The following ANKS1B variants were observed in gnomAD, a reference collection of about 807,000 sequenced individuals.
ANKS1B encodes ankyrin repeat and sterile alpha motif domain-containing protein 1B.
A neutral mutation model predicts 148.3 loss-of-function variants in ANKS1B; 36 were observed. That is an observed-to-expected ratio of 0.24 (90% CI 0.19 to 0.32). The LOEUF (loss-of-function observed/expected upper bound fraction) is 0.32, where lower values mean the gene tolerates loss of function less well. ANKS1B is among the 10% of genes least tolerant of loss of function. The pLI is 1.00. For synonymous variants in ANKS1B, 542 were observed against 560.8 expected (o/e 0.97, Z 0.47); for missense variants, 1,157 against 1,542.6 (o/e 0.75, Z 4.19).
At chr12:99,194,974 A>G (rs895451271) in intron 14 of ANKS1B, among the ~76,000 whole-genome samples, 2 of 152,166 alleles carry the variant, frequency 1.3e-5, no homozygotes, top group East Asian at 3.9e-4. Context: ...TTCAAAAATA[A>G]AAAGGTTTTT....
At chr12:98,909,388 A>G (rs943169258) in intron 17 of ANKS1B, among the ~76,000 whole-genome samples, 3 of 152,236 alleles carry the variant, frequency 2.0e-5, no homozygotes, top group African/African-American at 7.2e-5. Context: ...CTGATGAGGT[A>G]CATGAGGCTC....
intron 9 of ANKS1B, among the ~76,000 whole-genome samples, chr12:99,625,975 A>G (rs2098109065): frequency 6.6e-6 from 1 of 152,132 alleles, no homozygotes; most frequent in African/African-American, 2.4e-5. Context: ...CACATCAGGC[A>G]TCTTCTTAGA....
intron 17 of ANKS1B, among the ~76,000 whole-genome samples, chr12:98,873,543 C>T (rs753828532): frequency 6.6e-6 from 1 of 151,948 alleles, no homozygotes; most frequent in African/African-American, 2.4e-5. Context: ...AGAAAGTAAT[C>T]GAGGATAAGA....
chr12:99,628,593 A>C (rs781381571), intron 9 of ANKS1B, among the ~76,000 whole-genome samples: 3 of 152,200 alleles, frequency 2.0e-5, no homozygotes, highest in Non-Finnish European at 4.4e-5. Context: ...TTATTGCCTT[A>C]ATCTGTTTTG....
rs963697636 is a variant in ANKS1B at position 99,271,480 on chromosome 12, T to C, written c.1757-24616A>G. On this transcript the variant is annotated intron_variant, in intron 12 of 26. Coordinates refer to ENST00000683438, the MANE Select transcript of ANKS1B (RefSeq NM_001352186.2). ...AATATTCCTAAGATTAGGGATAATGTTTTCTTTACATTAGTATCCCTAGCT... is the reference window on the plus strand; with the variant it reads ...AATATTCCTAAGATTAGGGATAATGCTTTCTTTACATTAGTATCCCTAGCT... Among the ~76,000 whole-genome samples the C allele has an allele frequency of 1.2e-4, 19 of 152,016 alleles. No homozygotes were observed. In the East Asian group the frequency reaches 2.1e-3, roughly 17 times the overall value.
intron 17 of ANKS1B, among the ~76,000 whole-genome samples, chr12:98,974,842 TC>T (rs2153221540): frequency 6.6e-6 from 1 of 152,124 alleles, no homozygotes; most frequent in African/African-American, 2.4e-5. Flanking sequence ...CTTCCTTTCT[TC>T]CAGCTTTCCC....
chr12:99,119,257 T>C (rs2062131824), intron 15 of ANKS1B, among the ~76,000 whole-genome samples: 1 of 152,096 alleles, frequency 6.6e-6, no homozygotes, highest in Non-Finnish European at 1.5e-5. Flanking sequence ...TGGAGTGATG[T>C]GGGCACAAAT....
rs2153498236 is a variant in ANKS1B, at chr12:99,688,668, C to G, written c.1129-33458G>C. On this transcript the variant is annotated intron_variant, in intron 8 of 26. Transcript: ENST00000683438. ...CCTGGGCAACATAACAAGACTTGGT[C>G]TCTAGAAAAAAACATAGCCAAGTAT... 1.3e-5 allele frequency among the ~76,000 whole-genome samples: 2 copies of G among 151,972 alleles called. 1 individual carries two copies. The highest frequency in any genetic ancestry group is 1.3e-4 in the Admixed American group (2 of 15,268).
chr12:99,898,196 T>C (rs982407588), intron 1 of ANKS1B, among the ~76,000 whole-genome samples: 3 of 152,208 alleles, frequency 2.0e-5, no homozygotes, highest in African/African-American at 7.2e-5. Context: ...ATTTTTAAAA[T>C]CTAGAATTAA....
intron 11 of ANKS1B, among the ~76,000 whole-genome samples, chr12:99,404,866 C>T (rs1384267166): frequency 2.1e-5 from 3 of 145,540 alleles, no homozygotes; most frequent in Non-Finnish European, 4.6e-5. Context: ...ACTTAACTCT[C>T]AAAATTCAAG....
chr12:98,848,760 A>G (rs1216982130), intron 17 of ANKS1B, among the ~76,000 whole-genome samples: 3 of 2,322 alleles, frequency 1.3e-3, no homozygotes, highest in African/African-American at 4.5e-3. Flanking sequence ...TTTTTTTGAG[A>G]CGGAGTCTCG....
At position 98,944,070 on chromosome 12, in the gene ANKS1B, C is replaced by T. The variant is rs145285668; in HGVS notation, c.2778+109087G>A. Among the ~76,000 whole-genome samples the T allele has an allele frequency of 7.6e-3, 1,151 of 152,170 alleles. 14 individuals carry two copies. The highest frequency in any genetic ancestry group is 0.026 in the African/African-American group (1,097 of 41,518). ...ATTCCAGCACTCTGGGAGGCCGAGG[C>T]GGTTGGAACAACTGAGGTCAGGAAT... On this transcript the variant is annotated intron_variant, in intron 17 of 26. Coordinates refer to ENST00000683438, the MANE Select transcript of ANKS1B (RefSeq NM_001352186.2).
intron 14 of ANKS1B, among the ~76,000 whole-genome samples, chr12:99,205,030 A>T (rs939239747): frequency 1.3e-5 from 2 of 152,166 alleles, no homozygotes; most frequent in African/African-American, 4.8e-5. Context: ...ATAGGAGGCC[A>T]TTGGATACCA....
At chr12:99,466,277 A>G (rs895539968) in intron 10 of ANKS1B, among the ~76,000 whole-genome samples, 1 of 152,230 alleles carries the variant, frequency 6.6e-6, no homozygotes, top group Non-Finnish European at 1.5e-5. Flanking sequence ...TCTCTGGGAC[A>G]CATTCAAAGC....
chr12:99,419,952 G>A (rs1325084512), intron 11 of ANKS1B, among the ~76,000 whole-genome samples: 1 of 152,190 alleles, frequency 6.6e-6, no homozygotes, highest in East Asian at 1.9e-4. Context: ...TTTCAGGCAT[G>A]AGCCAGCACA....
chr12:99,753,033 T>C (rs1324914273), intron 8 of ANKS1B, among the ~76,000 whole-genome samples: 2 of 152,092 alleles, frequency 1.3e-5, no homozygotes, highest in Non-Finnish European at 2.9e-5. Flanking sequence ...CATGATTATA[T>C]AGTATAAAGA....
intron 20 of ANKS1B, among the ~76,000 whole-genome samples, chr12:98,804,469 T>C (rs1398529518): frequency 6.6e-6 from 1 of 152,126 alleles, no homozygotes; most frequent in African/African-American, 2.4e-5. Context: ...AGACTCAATT[T>C]GTAGATGTTA....
intron 11 of ANKS1B, among the ~76,000 whole-genome samples, chr12:99,436,786 G>C (rs1293082966): frequency 6.6e-6 from 1 of 152,092 alleles, no homozygotes; most frequent in Non-Finnish European, 1.5e-5. Context: ...TCTAAACATG[G>C]TCCATTATGA....
chr12:98,972,520 A>G (rs1014217065), intron 17 of ANKS1B, among the ~76,000 whole-genome samples: 23 of 152,198 alleles, frequency 1.5e-4, no homozygotes, highest in African/African-American at 5.5e-4. Context: ...AGAAGTCACC[A>G]AGTTGAGATC....
Sources: gnomAD v4.1 joint callset for allele counts (sites outside exome capture counted in the v4.1 genomes callset) on GRCh38, gnomAD v4.1.1 for gene constraint, MANE v1.5 for transcripts, NCBI Gene and HGNC (gene_info 2026-07-23, HGNC 2026-07-21) for gene names.